The following ANK3 variants were observed in gnomAD, a reference collection of about 807,000 sequenced individuals.
ANK3 encodes the protein ankyrin 3.
Under a neutral mutation model 370.9 loss-of-function variants are expected in ANK3, and 57 were observed. That is an observed-to-expected ratio of 0.15 (90% CI 0.12 to 0.19). The LOEUF (loss-of-function observed/expected upper bound fraction) is 0.19. Among genes scored for constraint, ANK3 ranks in the 10% least tolerant of loss-of-function variants. The pLI, the probability that ANK3 is intolerant of heterozygous loss-of-function variation, is 1.00. For synonymous variants in ANK3, 1,929 were observed against 1,946.3 expected (o/e 0.99, Z 0.23); for missense variants, 4,439 against 5,302.1 (o/e 0.84, Z 5.06).
intron 1 of ANK3, among the ~76,000 whole-genome samples, chr10:60,695,108 A>G (rs2079425241): frequency 6.6e-6 from 1 of 151,652 alleles, no homozygotes; most frequent in South Asian, 2.1e-4. Flanking sequence ...CTAGTCTCTG[A>G]TAAAACAGAC....
At position 60,628,627 on chromosome 10, in the gene ANK3, G is replaced by A. The variant is rs549246349; in HGVS notation, c.58-13403C>T. Among the ~76,000 whole-genome samples, 4 of 152,198 alleles carry A rather than the reference G, an allele frequency of 2.6e-5. No homozygotes were observed. In the South Asian group the frequency reaches 6.2e-4, roughly 24 times the overall value. ...AATGGTTTCAAGAAAATAAAACAATGGAGTCCCAACATCATGTATTGCCAC... is the reference window on the plus strand; with the variant it reads ...AATGGTTTCAAGAAAATAAAACAATAGAGTCCCAACATCATGTATTGCCAC... On this transcript the variant is annotated intron_variant, in intron 1 of 43. Coordinates refer to the ANK3 transcript ENST00000373827.
intron 1 of ANK3, among the ~76,000 whole-genome samples, chr10:60,719,200 C>T (rs1214259415): frequency 6.6e-6 from 1 of 152,094 alleles, no homozygotes; most frequent in South Asian, 2.1e-4. Flanking sequence ...TAAATTATCA[C>T]TTTCCATATA....
rs2082520894 is a variant in ANK3, at chr10:60,070,712, T to C, written c.10169A>G (p.Gln3390Arg). The change falls in exon 37 of 44, where the codon CAG becomes CGG. Residue 3390 changes from glutamine (Q) to arginine (R), a missense_variant. By Grantham distance (43) the Gln-to-Arg change is conservative. Transcript: ENST00000280772. This position sits in a 1 kb window ranked among gnomAD's most constrained non-coding sequence, Gnocchi z 5.7. ...NEIAQNGNNDQSITECSIATT... is the reference protein window; with the variant it reads ...NEIAQNGNNDRSITECSIATT... Reference sequence around the variant, plus strand: ...GGCAATGGAACACTCTGTGATGGACTGGTCGTTGTTCCCATTCTGGGCAAT... The same window carrying C: ...GGCAATGGAACACTCTGTGATGGACCGGTCGTTGTTCCCATTCTGGGCAAT... 6.2e-7 allele frequency: 1 copy of C among 1,614,218 alleles called. No homozygotes were observed. The highest frequency in any genetic ancestry group is 8.5e-7 in the Non-Finnish European group (1 of 1,180,018).
At chr10:60,492,206 A>G (rs1189211109) in intron 2 of ANK3, among the ~76,000 whole-genome samples, 3 of 152,200 alleles carry the variant, frequency 2.0e-5, no homozygotes, top group Non-Finnish European at 4.4e-5. Context: ...TTCACATACA[A>G]AATCACCTAA....
chr10:60,237,372 C>G (rs566334820), intron 7 of ANK3, among the ~76,000 whole-genome samples: 3 of 152,140 alleles, frequency 2.0e-5, no homozygotes, highest in African/African-American at 7.2e-5. Flanking sequence ...GGACGTGACA[C>G]GAAGACCTCA....
intron 23 of ANK3, among the ~76,000 whole-genome samples, chr10:60,151,787 C>A (rs1053895734): frequency 6.6e-6 from 1 of 152,166 alleles, no homozygotes; most frequent in African/African-American, 2.4e-5. Context: ...ATCTAAATTA[C>A]CAGACAACAT....
rs181672613 is a variant in ANK3, at chr10:60,293,793, A to C, written c.115-14154T>G. ...TTTTTGCATAGCTTGGCTACACAAC[A>C]ACCACCACAACACAAACTGCTGAGT... On this transcript the variant is annotated intron_variant, in intron 1 of 43. Transcript: ENST00000280772. 2.0e-5 allele frequency among the ~76,000 whole-genome samples: 3 copies of C among 152,344 alleles called. No individual in the cohort carries two copies. In the East Asian group the frequency reaches 5.8e-4, roughly 29 times the overall value.
intron 2 of ANK3, among the ~76,000 whole-genome samples, chr10:60,412,721 T>C (rs1484975974): frequency 1.3e-5 from 2 of 152,246 alleles, no homozygotes; most frequent in African/African-American, 2.4e-5. Flanking sequence ...ATTTTCACTA[T>C]GGTAGCCCCA....
At chr10:60,352,202 T>C (rs1483834165) in intron 1 of ANK3, among the ~76,000 whole-genome samples, 1 of 152,130 alleles carries the variant, frequency 6.6e-6, no homozygotes, top group Non-Finnish European at 1.5e-5. Flanking sequence ...GTCTGAGGCA[T>C]GAGAATTGCT....
At chr10:60,714,831 G>C (rs557577475) in intron 1 of ANK3, among the ~76,000 whole-genome samples, 1 of 152,254 alleles carries the variant, frequency 6.6e-6, no homozygotes, top group Admixed American at 6.5e-5. Flanking sequence ...TCATGGGCAG[G>C]AGAGAGGGAT....
intron 2 of ANK3, among the ~76,000 whole-genome samples, chr10:60,545,495 C>A (rs2133222854): frequency 6.6e-6 from 1 of 150,972 alleles, no homozygotes; most frequent in South Asian, 2.1e-4. Flanking sequence ...CAATTTTGTG[C>A]TAGCAAGTAT....
Position 60,389,342 on chromosome 10 carries a change from C to T in ANK3, c.114+83G>A, listed in dbSNP as rs943460705. The stretch of plus-strand genomic sequence containing the variant: ...ACTCTACCCAGCATGTAAAAATAAC[C>T]CTTAATGCTTCTAACAGATGCCAGA... On this transcript the variant is annotated intron_variant, in intron 1 of 43. Transcript: ENST00000280772. 67 of 1,323,618 alleles carry T rather than the reference C, an allele frequency of 5.1e-5. 1 individual carries two copies. In the South Asian group the frequency reaches 8.0e-4, roughly 16 times the overall value. The allele number at this position is 1,323,618 out of a possible 1,614,324, so 82.0% of individuals were successfully genotyped here.
intron 21 of ANK3, among the ~76,000 whole-genome samples, chr10:60,167,695 A>T (rs1178410086): frequency 6.6e-6 from 1 of 152,036 alleles, no homozygotes. Flanking sequence ...AATTCTCAGC[A>T]TATGAGACAC....
chr10:60,609,374 T>C (rs2133315318), intron 2 of ANK3, among the ~76,000 whole-genome samples: 1 of 152,244 alleles, frequency 6.6e-6, no homozygotes, highest in East Asian at 1.9e-4. Flanking sequence ...TCAAGAGCTA[T>C]TGCATTACCC....
intron 1 of ANK3, among the ~76,000 whole-genome samples, chr10:60,296,750 C>T (rs563134276): frequency 6.6e-6 from 1 of 152,270 alleles, no homozygotes; most frequent in East Asian, 1.9e-4. Context: ...CTTTGGGAGG[C>T]TGAGATGAGA....
intron 1 of ANK3, among the ~76,000 whole-genome samples, chr10:60,688,023 T>A (rs2079293843): frequency 6.6e-6 from 1 of 151,920 alleles, no homozygotes; most frequent in African/African-American, 2.4e-5. Context: ...GTTCATAGAA[T>A]CAAAGAGTGA....
intron 1 of ANK3, among the ~76,000 whole-genome samples, chr10:60,344,468 GCT>G (rs1201436271): frequency 6.6e-6 from 1 of 152,140 alleles, no homozygotes; most frequent in Non-Finnish European, 1.5e-5. Context: ...ACAGACAACA[GCT>G]CTGTTTGAGG....
chr10:60,277,096 G>A (rs1452807216), intron 4 of ANK3, among the ~76,000 whole-genome samples: 1 of 152,150 alleles, frequency 6.6e-6, no homozygotes, highest in Non-Finnish European at 1.5e-5. Flanking sequence ...AAATATACAA[G>A]AACCATGCAG....
chr10:60,351,618 G>C (rs2056885554), intron 1 of ANK3, among the ~76,000 whole-genome samples: 1 of 152,166 alleles, frequency 6.6e-6, no homozygotes, highest in African/African-American at 2.4e-5. Flanking sequence ...CCATGTAAAG[G>C]TGTTAAGTTC....
Sources: allele counts gnomAD v4.1 joint callset (sites outside exome capture counted in the v4.1 genomes callset), GRCh38; gene constraint gnomAD v4.1.1; non-coding constraint Gnocchi (gnomAD v3.1); transcripts MANE v1.5; gene names NCBI Gene and HGNC (gene_info 2026-07-23, HGNC 2026-07-21).